STOX2: variants seen among roughly 807,000 people sequenced by gnomAD.
The protein encoded by STOX2 is storkhead box 2.
Under a neutral mutation model 60.9 loss-of-function variants are expected in STOX2, and 28 were observed. The ratio of observed to expected loss-of-function variants is 0.46; its 90% confidence interval spans 0.34 to 0.63. The LOEUF is 0.63. Ranked by LOEUF, STOX2 falls within the 30% of genes least tolerant of loss-of-function variation. The probability of loss-of-function intolerance (pLI) is 0.01; values close to 1 mark genes in which losing one functional copy is unlikely to be tolerated. For synonymous variants in STOX2, 472 were observed against 463.9 expected (o/e 1.02, Z -0.22); for missense variants, 1,024 against 1,187.7 (o/e 0.86, Z 2.03).
chr4:183,860,500 T>G (rs192329066), intron 1 of STOX2, among the ~76,000 whole-genome samples: 1 of 150,538 alleles, frequency 6.6e-6, no homozygotes, highest in Admixed American at 6.6e-5. Context: ...GTTGACACAT[T>G]GCTTGAATTC....
intron 1 of STOX2, among the ~76,000 whole-genome samples, chr4:183,968,386 GA>G (rs1463661830): frequency 7.4e-6 from 1 of 135,620 alleles, no homozygotes; most frequent in Non-Finnish European, 1.6e-5. Context: ...ACACAAAGAA[GA>G]GCATAATTAA....
intron 1 of STOX2, among the ~76,000 whole-genome samples, chr4:183,978,843 A>G (rs1732542628): frequency 6.6e-6 from 1 of 152,198 alleles, no homozygotes; most frequent in South Asian, 2.1e-4. Context: ...GGGGTGATAG[A>G]GCAATTCCAT....
At chr4:183,833,937 C>G (rs565322916) in intron 1 of STOX2, among the ~76,000 whole-genome samples, 12 of 146,180 alleles carry the variant, frequency 8.2e-5, no homozygotes, top group African/African-American at 1.5e-4. Flanking sequence ...AGCCGAGATC[C>G]CGCCACTGCA....
At chr4:183,894,164 A>T (rs1741290239) in intron 1 of STOX2, among the ~76,000 whole-genome samples, 1 of 152,220 alleles carries the variant, frequency 6.6e-6, no homozygotes, top group Non-Finnish European at 1.5e-5. Flanking sequence ...AAAATAAAAA[A>T]AATTAAAAAT....
rs553440397 is a variant in STOX2 at position 183,998,313 on chromosome 4, A to T, written c.167-3012A>T. ...TTAAAAATCATCCCAGGTGACTTTC[A>T]GGTCCATATGGCTAACTTAGCACCT... On this transcript the variant is annotated intron_variant, in intron 1 of 3. Coordinates refer to ENST00000308497, the MANE Select transcript of STOX2 (RefSeq NM_020225.3). Among the ~76,000 whole-genome samples, 5 of 152,254 alleles carry T rather than the reference A, an allele frequency of 3.3e-5. 1 individual carries two copies. Among genetic ancestry groups the T allele is most frequent in the South Asian group, 4.1e-4 (2 of 4,822 alleles).
chr4:183,927,904 C>T (rs1742291796), intron 1 of STOX2, among the ~76,000 whole-genome samples: 1 of 152,210 alleles, frequency 6.6e-6, no homozygotes, highest in Non-Finnish European at 1.5e-5. Flanking sequence ...GCAGGGCACC[C>T]AGGCATCCCA....
chr4:183,800,279 A>G (rs892838030), intron 1 of STOX2, among the ~76,000 whole-genome samples: 2 of 151,906 alleles, frequency 1.3e-5, no homozygotes, highest in Non-Finnish European at 2.9e-5. Context: ...TTTTATTCTG[A>G]GTCACAATAC....
chr4:183,998,985 A>G (rs1733467269), intron 1 of STOX2, among the ~76,000 whole-genome samples: 1 of 152,174 alleles, frequency 6.6e-6, no homozygotes, highest in Admixed American at 6.5e-5. Flanking sequence ...TCAAGGTTGC[A>G]GTGAGCTATG....
At chr4:183,879,133 T>A (rs1198358855) in intron 1 of STOX2, among the ~76,000 whole-genome samples, 5 of 152,308 alleles carry the variant, frequency 3.3e-5, no homozygotes, top group African/African-American at 9.6e-5. Flanking sequence ...TGTTTGAAGA[T>A]TAGACGTGTG....
At chr4:183,966,194 T>G (rs1215462749) in intron 1 of STOX2, among the ~76,000 whole-genome samples, 1 of 151,944 alleles carries the variant, frequency 6.6e-6, no homozygotes. Flanking sequence ...CCTGAGACGG[T>G]GGGTGGGCCT....
intron 3 of STOX2, among the ~76,000 whole-genome samples, chr4:184,012,761 G>A (rs1734218616): frequency 6.6e-6 from 1 of 152,158 alleles, no homozygotes; most frequent in South Asian, 2.1e-4. Context: ...GACACCTCAG[G>A]GAGCCATGGG....
Position 184,010,659 on chromosome 4 carries a change from T to A in STOX2, c.1821T>A (p.Ser607Arg). 6.2e-7 allele frequency: 1 copy of A among 1,614,012 alleles called. No homozygotes were observed. The highest frequency in any genetic ancestry group is 8.5e-7 in the Non-Finnish European group (1 of 1,179,894). Residue 607 changes from serine (S) to arginine (R), a missense_variant, in exon 3 of 4, where the codon AGT (serine) becomes AGA (arginine). Physicochemically the swap from Ser to Arg is moderately radical, Grantham distance 110 (BLOSUM62 -1). This residue lies in a region of STOX2 where 922 missense variants were observed against 1,058.3 expected (regional missense o/e 0.87). Coordinates refer to ENST00000308497, the MANE Select transcript of STOX2 (RefSeq NM_020225.3). This position sits in a 1 kb window ranked among gnomAD's most constrained non-coding sequence, Gnocchi z 4.5. ...TDDYFQCNTS[S>R]ETVLTAPSPL... Reference sequence around the variant, plus strand: ...ACTATTTCCAGTGCAACACCTCTAGTGAGACGGTGCTCACGGCACCATCAC... The same window carrying A: ...ACTATTTCCAGTGCAACACCTCTAGAGAGACGGTGCTCACGGCACCATCAC...
rs1362148923 is a variant in STOX2, at chr4:184,010,237, G to T, written c.1399G>T (p.Val467Leu). The T allele has an allele frequency of 3.2e-6, 5 of 1,559,150 alleles. No individual in the cohort carries two copies. The highest frequency in any genetic ancestry group is 4.3e-6 in the Non-Finnish European group (5 of 1,151,624). The change falls in exon 3 of 4, where the codon GTG becomes TTG. Residue 467 changes from valine to leucine, a missense_variant. Transcript: ENST00000308497. This position sits in a 1 kb window ranked among gnomAD's most constrained non-coding sequence, Gnocchi z 4.5. ...TTCTAGGGGAAGCTCCCACTCAAAA[G>T]TGCACCGAAGCCACAGCCATACACA... The part of the protein sequence containing the change: ...EPSRGSSHSK[V>L]HRSHSHTQDR...
At chr4:183,866,963 C>T (rs1469925138) in intron 1 of STOX2, among the ~76,000 whole-genome samples, 7 of 152,116 alleles carry the variant, frequency 4.6e-5, no homozygotes, top group Non-Finnish European at 8.8e-5. Flanking sequence ...AGCAATTTAC[C>T]CTCACATTTG....
At chr4:183,859,721 A>G (rs988161464) in intron 1 of STOX2, among the ~76,000 whole-genome samples, 5 of 152,266 alleles carry the variant, frequency 3.3e-5, no homozygotes, top group Admixed American at 2.6e-4. Context: ...CTGTATTTTT[A>G]TGATTTTGAT....
intron 1 of STOX2, among the ~76,000 whole-genome samples, chr4:183,835,228 T>C (rs1443043898): frequency 7.9e-6 from 1 of 126,584 alleles, no homozygotes; most frequent in Non-Finnish European, 1.5e-5. Flanking sequence ...AACCAATAGA[T>C]TTTTTTTTTT....
At chr4:183,834,393 G>A (rs1397117436) in intron 1 of STOX2, among the ~76,000 whole-genome samples, 2 of 152,036 alleles carry the variant, frequency 1.3e-5, no homozygotes, top group African/African-American at 2.4e-5. Flanking sequence ...AGAGCAGCCC[G>A]GATCTGCTGG....
intron 1 of STOX2, among the ~76,000 whole-genome samples, chr4:183,843,643 C>G (rs1380152760): frequency 1.3e-5 from 2 of 152,184 alleles, no homozygotes; most frequent in Non-Finnish European, 2.9e-5. Flanking sequence ...AAGCTCTGTG[C>G]ATGCCAAAAT....
At chr4:183,798,563 G>C (rs1738687810) in intron 1 of STOX2, 2 of 949,810 alleles carry the variant, frequency 2.1e-6, no homozygotes, top group Non-Finnish European at 2.5e-6. Context: ...CGGGAAGCTA[G>C]GGTTGAGGCT....
Sources: allele counts gnomAD v4.1 joint callset (sites outside exome capture counted in the v4.1 genomes callset), GRCh38; gene constraint gnomAD v4.1.1; regional missense constraint gnomAD v4.1.1; non-coding constraint Gnocchi (gnomAD v3.1); transcripts MANE v1.5; gene names NCBI Gene and HGNC (gene_info 2026-07-23, HGNC 2026-07-21).